MAG: variants seen among roughly 807,000 people sequenced by gnomAD.
MAG encodes myelin-associated glycoprotein.
In MAG, 30 loss-of-function variants were observed where a neutral mutation model predicts 60.7. That is an observed-to-expected ratio of 0.49 (90% CI 0.37 to 0.67). MAG has a LOEUF of 0.67. MAG is among the 30% of genes least tolerant of loss of function. The pLI is 0.00. For missense variants in MAG, 795 were observed against 851.7 expected (o/e 0.93, Z 0.83); for synonymous variants, 384 against 376.8 (o/e 1.02, Z -0.22).
intron 4 of MAG, 75 bp downstream of exon 4, chr19:35,296,056 C>A: frequency 2.0e-6 from 3 of 1,500,732 alleles, no homozygotes; most frequent in Non-Finnish European, 2.7e-6. Context: ...GGAAGGCCTC[C>A]CCGCACCTTC....
intron 7 of MAG, among the ~76,000 whole-genome samples, chr19:35,308,424 T>C (rs924854050): frequency 4.6e-5 from 7 of 152,158 alleles, no homozygotes; most frequent in Admixed American, 3.9e-4. Context: ...TGAGGGGCCT[T>C]GTAGATGAAA....
intron 4 of MAG, among the ~76,000 whole-genome samples, chr19:35,299,043 C>CACCCACACCA (rs1568471585): frequency 4.9e-4 from 73 of 149,146 alleles, no homozygotes; most frequent in Admixed American, 2.1e-3. Flanking sequence ...CACACCCACA[C>CACCCACACCA]CACACACACA....
At chr19:35,294,014 G>A (rs879276930) in intron 1 of MAG, among the ~76,000 whole-genome samples, 3 of 151,938 alleles carry the variant, frequency 2.0e-5, no homozygotes, top group Non-Finnish European at 2.9e-5. Context: ...CGATGCGGTC[G>A]TTCCCCCTTC....
rs1284455187 is a variant in MAG, at chr19:35,313,459, G to C, written c.*5G>C. On this transcript the variant is annotated 3_prime_UTR_variant, in exon 11 of 11. Transcript: ENST00000392213. The stretch of plus-strand genomic sequence containing the variant: ...GCTGAAATCCGGGTCAAGTGAAGGA[G>C]CTGGGGGCAGCCTGCGTGGCTGACC... The C allele has an allele frequency of 6.2e-7, 1 of 1,608,844 alleles. No individual in the cohort carries two copies. Among genetic ancestry groups the C allele is most frequent in the Non-Finnish European group, 8.5e-7 (1 of 1,177,694 alleles).
At chr19:35,313,195 T>C in intron 10 of MAG, 95 bp from the exon 11 acceptor site, 1 of 1,357,026 alleles carries the variant, frequency 7.4e-7, no homozygotes, top group Non-Finnish European at 9.9e-7. Flanking sequence ...TATTTGGGAC[T>C]GAACTCAGGA....
chr19:35,312,063 A>G, intron 10 of MAG, 46 bp downstream of exon 10: 1 of 1,558,610 alleles, frequency 6.4e-7, no homozygotes, highest in Non-Finnish European at 8.8e-7. Context: ...GATGCCAGGG[A>G]CACTGAAGGC....
At position 35,293,743 on chromosome 19, in the gene MAG, C is replaced by T. The variant is rs994937839; in HGVS notation, c.-79-492C>T. On this transcript the variant is annotated intron_variant, in intron 1 of 10. Coordinates refer to ENST00000392213, the MANE Select transcript of MAG (RefSeq NM_002361.4). This position sits in a 1 kb window ranked among gnomAD's most constrained non-coding sequence, Gnocchi z 4.0. ...CTCCCCACTTACCCTGAAAGCCCCC[C>T]GCAGGCTAAAACACCCTCTCCCCGA... Among the ~76,000 whole-genome samples, 6 of 152,082 alleles carry T rather than the reference C, an allele frequency of 3.9e-5. No individual in the cohort carries two copies. Among genetic ancestry groups the T allele is most frequent in the Admixed American group, 6.5e-5 (1 of 15,268 alleles).
intron 4 of MAG, among the ~76,000 whole-genome samples, chr19:35,297,136 C>T (rs1290044507): frequency 3.3e-5 from 5 of 150,652 alleles, no homozygotes; most frequent in African/African-American, 1.2e-4. Context: ...ACACCACACA[C>T]ACACCACACC....
intron 4 of MAG, among the ~76,000 whole-genome samples, chr19:35,298,661 CAT>C (rs1012645889): frequency 6.0e-5 from 9 of 149,990 alleles, no homozygotes; most frequent in East Asian, 2.0e-4. Context: ...ACACACCACA[CAT>C]GATACAAACC....
chr19:35,299,596 C>A lies in MAG; in HGVS notation c.458C>A (p.Thr153Lys). The A allele has an allele frequency of 6.2e-7, 1 of 1,604,692 alleles. No homozygotes were observed. Among genetic ancestry groups the A allele is most frequent in the South Asian group, 1.1e-5 (1 of 90,208 alleles). ...IVVPPEVVAG[T>K]EVEVSCMVPD... The stretch of plus-strand genomic sequence containing the variant: ...GTGCCCCCAGAGGTGGTGGCAGGCA[C>A]GGAGGTGGAGGTCAGCTGCATGGTG... Residue 153 changes from threonine (T) to lysine (K), a missense_variant, in exon 5 of 11, where the codon ACG (threonine) becomes AAG (lysine). Thr to Lys is a moderately conservative substitution (Grantham distance 78, BLOSUM62 -1). Transcript: ENST00000392213.
intron 5 of MAG, 85 bp from the exon 6 acceptor site, chr19:35,300,062 G>A: frequency 7.1e-7 from 1 of 1,400,218 alleles, no homozygotes; most frequent in Admixed American, 2.8e-5. Context: ...GCCGGACAGT[G>A]TTGGGGGCGG....
rs564760267 is a variant in MAG, at chr19:35,293,298, T to C, written c.-79-937T>C. Among the ~76,000 whole-genome samples, 8 of 149,018 alleles carry C rather than the reference T, an allele frequency of 5.4e-5. No individual in the cohort carries two copies. Among genetic ancestry groups the C allele is most frequent in the African/African-American group, 1.5e-4 (6 of 39,682 alleles). ...GGCTGTGTGTGTGTGTGTGTGTGTG[T>C]GCTGAATGCCAGGGCTGTGTCTGTC... is the stretch of plus-strand genomic sequence containing the variant. On this transcript the variant is annotated intron_variant, in intron 1 of 10. Transcript: ENST00000392213. This position sits in a 1 kb window ranked among gnomAD's most constrained non-coding sequence, Gnocchi z 4.0.
chr19:35,311,682 G>T (rs1240730094), intron 9 of MAG, among the ~76,000 whole-genome samples: 1 of 152,212 alleles, frequency 6.6e-6, no homozygotes, highest in Non-Finnish European at 1.5e-5. Flanking sequence ...CCAGGTGGGG[G>T]TCCTGAAAAA....
At chr19:35,296,033 A>T (rs1414517186) in intron 4 of MAG, 52 bp downstream of exon 4, 1 of 1,521,702 alleles carries the variant, frequency 6.6e-7, no homozygotes, top group Non-Finnish European at 8.8e-7. Flanking sequence ...GCGGGGCGGG[A>T]AGGAGTGTGG....
At chr19:35,298,695 T>TACTACACTCACACCACAC (rs2066422053) in intron 4 of MAG, among the ~76,000 whole-genome samples, 2 of 115,738 alleles carry the variant, frequency 1.7e-5, no homozygotes, top group Non-Finnish European at 3.6e-5. Flanking sequence ...ACACACCACA[T>TACTACACTCACACCACAC]ACTACACTCA....
intron 7 of MAG, among the ~76,000 whole-genome samples, chr19:35,307,041 G>A (rs1039818845): frequency 3.3e-5 from 5 of 152,244 alleles, no homozygotes; most frequent in Non-Finnish European, 5.9e-5. Flanking sequence ...GCAGGGTGTC[G>A]GCGTTCCGCC....
chr19:35,313,526 C>A lies in MAG; in HGVS notation c.*72C>A. The A allele has an allele frequency of 1.4e-6, 2 of 1,455,726 alleles. No individual in the cohort carries two copies. Among genetic ancestry groups the A allele is most frequent in the Non-Finnish European group, 1.8e-6 (2 of 1,089,564 alleles). 90.2% of individuals were successfully genotyped at this position (1,455,726 alleles called of 1,614,324 possible). The stretch of plus-strand genomic sequence containing the variant: ...CTGGCCCCCACTGGCTGTGGGCTCC[C>A]TTCCTCCCAAAAGTATCGGGGGCTG... On this transcript the variant is annotated 3_prime_UTR_variant, in exon 11 of 11. Coordinates refer to ENST00000392213, the MANE Select transcript of MAG (RefSeq NM_002361.4).
At chr19:35,304,818 G>A (rs1355617534) in intron 7 of MAG, among the ~76,000 whole-genome samples, 1 of 152,218 alleles carries the variant, frequency 6.6e-6, no homozygotes, top group Admixed American at 6.5e-5. Flanking sequence ...GGGATTACAG[G>A]TGTGAGCCAC....
rs1451391958 is a variant in MAG at position 35,300,256 on chromosome 19, G to A, written c.822G>A (p.Met274Ile). Residue 274 changes from methionine to isoleucine, a missense_variant, in exon 6 of 11, where the codon ATG becomes ATA. Physicochemically the swap from Met to Ile is conservative, Grantham distance 10 (BLOSUM62 1). Coordinates refer to ENST00000392213, the MANE Select transcript of MAG (RefSeq NM_002361.4). Reference sequence around the variant, plus strand: ...ACCCCCCGCCGCTGCTGACCTGGATGCGGGACGGGACAGTCCTCCGGGAGG... The same window carrying A: ...ACCCCCCGCCGCTGCTGACCTGGATACGGGACGGGACAGTCCTCCGGGAGG... ...DSNPPPLLTW[M>I]RDGTVLREAV... 8 of 1,596,172 alleles carry A rather than the reference G, an allele frequency of 5.0e-6. No individual in the cohort carries two copies. In the South Asian group the frequency reaches 8.9e-5, roughly 18 times the overall value.
Sources: allele counts gnomAD v4.1 joint callset (sites outside exome capture counted in the v4.1 genomes callset), GRCh38; gene constraint gnomAD v4.1.1; non-coding constraint Gnocchi (gnomAD v3.1); transcripts MANE v1.5; gene names NCBI Gene and HGNC (gene_info 2026-07-23, HGNC 2026-07-21).